Variants in SLC22A23 observed in about 807,000 individuals in gnomAD.
SLC22A23 encodes the protein ion transporter protein.
Under a neutral mutation model 61.0 loss-of-function variants are expected in SLC22A23, and 26 were observed. That is an observed-to-expected ratio of 0.43 (90% CI 0.31 to 0.59). SLC22A23 has a LOEUF of 0.59. Among genes scored for constraint, SLC22A23 ranks in the 20% least tolerant of loss-of-function variants. SLC22A23 has a pLI of 0.11. For synonymous variants in SLC22A23, 430 were observed against 413.9 expected (o/e 1.04, Z -0.47); for missense variants, 796 against 934.7 (o/e 0.85, Z 1.94).
intron 1 of SLC22A23, among the ~76,000 whole-genome samples, chr6:3,423,109 G>A (rs761253223): frequency 6.6e-6 from 1 of 151,714 alleles, no homozygotes; most frequent in Non-Finnish European, 1.5e-5. Flanking sequence ...CAGCCTTCCC[G>A]GTGGGAGAGA....
intron 5 of SLC22A23, chr6:3,292,108 G>A (rs1026618306): frequency 1.3e-5 from 2 of 152,326 alleles, no homozygotes; most frequent in South Asian, 4.2e-4. Context: ...GTCTGGCAGA[G>A]TCACTGTCCA....
intron 3 of SLC22A23, among the ~76,000 whole-genome samples, chr6:3,355,178 C>A (rs1387320115): frequency 1.3e-5 from 2 of 151,252 alleles, no homozygotes; most frequent in African/African-American, 4.9e-5. Context: ...CCGCCACCCT[C>A]CCCAGCTAAA....
chr6:3,330,135 C>G lies in SLC22A23; in HGVS notation c.914-6133G>C, dbSNP rs927838013. On this transcript the variant is annotated intron_variant, in intron 3 of 9. Coordinates refer to ENST00000406686, the MANE Select transcript of SLC22A23 (RefSeq NM_015482.2). The surrounding 1 kb of genome is among the most constrained non-coding windows in gnomAD (Gnocchi z 4.7). ...AGGCCACTTCTCCAAACCCGCTGTCCTTACAAGTGGATCACCCCTCTCCTC... is the reference window on the plus strand; with the variant it reads ...AGGCCACTTCTCCAAACCCGCTGTCGTTACAAGTGGATCACCCCTCTCCTC... Among the ~76,000 whole-genome samples the G allele has an allele frequency of 6.6e-6, 1 of 152,226 alleles. No individual in the cohort carries two copies. Among genetic ancestry groups the G allele is most frequent in the Non-Finnish European group, 1.5e-5 (1 of 68,036 alleles).
intron 1 of SLC22A23, among the ~76,000 whole-genome samples, chr6:3,455,685 G>A (rs1163868456): frequency 6.6e-6 from 1 of 152,230 alleles, no homozygotes; most frequent in East Asian, 1.9e-4. Flanking sequence ...CCGCGTACTG[G>A]GACAGGAGTT....
At position 3,308,755 on chromosome 6, in the gene SLC22A23, C is replaced by G. The variant is rs976770062; in HGVS notation, c.1083-10537G>C. ...GTAAGGAGTTCAAGACCAGCCTGAC[C>G]AACATGGTGAAACCCCGTCTCTACT... is the stretch of plus-strand genomic sequence containing the variant. On this transcript the variant is annotated intron_variant, in intron 4 of 9. Transcript: ENST00000406686. The surrounding 1 kb of genome is among the most constrained non-coding windows in gnomAD (Gnocchi z 5.1). 5.3e-5 allele frequency among the ~76,000 whole-genome samples: 8 copies of G among 152,130 alleles called. No homozygotes were observed. Among genetic ancestry groups the G allele is most frequent in the South Asian group, 4.2e-4 (2 of 4,804 alleles).
At chr6:3,341,624 C>T (rs1764158178) in intron 3 of SLC22A23, among the ~76,000 whole-genome samples, 1 of 152,226 alleles carries the variant, frequency 6.6e-6, no homozygotes, top group Non-Finnish European at 1.5e-5. Flanking sequence ...CAAACCATCT[C>T]AGACTTCTGG....
chr6:3,415,905 T>G, intron 1 of SLC22A23, 50 bp from the exon 2 acceptor site: 4 of 1,360,642 alleles, frequency 2.9e-6, no homozygotes, highest in Non-Finnish European at 4.1e-6. Context: ...TACACAGAGC[T>G]AGTCGTACTC....
At chr6:3,352,853 C>T (rs955845119) in intron 3 of SLC22A23, among the ~76,000 whole-genome samples, 13 of 152,172 alleles carry the variant, frequency 8.5e-5, no homozygotes, top group South Asian at 2.1e-4. Flanking sequence ...TCCCTGGATA[C>T]GCATGGACAA....
rs950083983 is a variant in SLC22A23, at chr6:3,372,591, G to A, written c.913+37597C>T. On this transcript the variant is annotated intron_variant, in intron 3 of 9. Transcript: ENST00000406686. The surrounding 1 kb of genome is among the most constrained non-coding windows in gnomAD (Gnocchi z 4.7). ...ACTGGTGGCGTGGCCTGAGGAAACC[G>A]TGGCTTCCCCCCATGTCTCATGCAC... Among the ~76,000 whole-genome samples, 1 of 152,162 alleles carries A rather than the reference G, an allele frequency of 6.6e-6. No individual in the cohort carries two copies. Among genetic ancestry groups the A allele is most frequent in the Non-Finnish European group, 1.5e-5 (1 of 68,024 alleles).
At chr6:3,354,669 G>A (rs528302662) in intron 3 of SLC22A23, among the ~76,000 whole-genome samples, 2 of 152,290 alleles carry the variant, frequency 1.3e-5, no homozygotes, top group African/African-American at 4.8e-5. Flanking sequence ...AGAGTGTTAG[G>A]GGGAAGTCAA....
rs373904385 is a variant in SLC22A23, at chr6:3,410,273, C to T, written c.828G>A (p.Leu276=). The T allele has an allele frequency of 1.4e-5, 23 of 1,613,956 alleles. No individual in the cohort carries two copies. The highest frequency in any genetic ancestry group is 1.6e-4 in the Middle Eastern group (1 of 6,062). The change falls in exon 3 of 10, where the codon CTG becomes CTA. Residue 276 remains leucine (L), a synonymous_variant. Coordinates refer to ENST00000406686, the MANE Select transcript of SLC22A23 (RefSeq NM_015482.2). This position sits in a 1 kb window ranked among gnomAD's most constrained non-coding sequence, Gnocchi z 5.0. ...TGCTGAACATTGTCACATTCACTGA[C>T]AGTGCCACAGTCAGTCCAAAGATCA... The part of the protein sequence containing the change: ...FILIFGLTVA[L]SVNVTMFSTL...
intron 1 of SLC22A23, 70 bp from the exon 2 acceptor site, chr6:3,415,925 G>T: frequency 8.5e-7 from 1 of 1,173,844 alleles, no homozygotes; most frequent in Non-Finnish European, 1.2e-6. Context: ...CAATTATAAG[G>T]GCAATACAAT....
At chr6:3,282,182 T>C (rs1338088123) in intron 9 of SLC22A23, 10 of 702,386 alleles carry the variant, frequency 1.4e-5, no homozygotes. Flanking sequence ...TTGAAAGACT[T>C]GGCTTTGCTG....
rs1763409706 is a variant in SLC22A23, at chr6:3,328,628, T to C, written c.914-4626A>G. Among the ~76,000 whole-genome samples the C allele has an allele frequency of 6.6e-6, 1 of 152,102 alleles. No homozygotes were observed. Among genetic ancestry groups the C allele is most frequent in the Non-Finnish European group, 1.5e-5 (1 of 68,010 alleles). ...ACCTGAACATAGGGCCGAGGCTTCC[T>C]TGAGGAGGAAGAAGATTCCACCTGT... On this transcript the variant is annotated intron_variant, in intron 3 of 9. Coordinates refer to ENST00000406686, the MANE Select transcript of SLC22A23 (RefSeq NM_015482.2). The surrounding 1 kb of genome is among the most constrained non-coding windows in gnomAD (Gnocchi z 5.0).
chr6:3,364,519 C>T (rs1472747313), intron 3 of SLC22A23, among the ~76,000 whole-genome samples: 1 of 152,136 alleles, frequency 6.6e-6, no homozygotes, highest in East Asian at 1.9e-4. Flanking sequence ...TCACACCTGG[C>T]CCAGATGCCC....
intron 3 of SLC22A23, among the ~76,000 whole-genome samples, chr6:3,397,900 C>T (rs61347018): frequency 0.055 from 8,358 of 152,238 alleles, 785 homozygotes; most frequent in African/African-American, 0.19. Flanking sequence ...GACACAATCA[C>T]GCTCCAAGCA....
At chr6:3,356,215 C>A (rs552127646) in intron 3 of SLC22A23, among the ~76,000 whole-genome samples, 1 of 148,850 alleles carries the variant, frequency 6.7e-6, no homozygotes, top group Admixed American at 6.7e-5. Flanking sequence ...AATCGAAGCA[C>A]GCGTGCTCTC....
At position 3,390,365 on chromosome 6, in the gene SLC22A23, T is replaced by C. The variant is rs530079362; in HGVS notation, c.913+19823A>G. ...AATGCAGAGAGATCTAAGTAGATCC[T>C]GCATCCCTCTTCTCTGCCCCACTCT... On this transcript the variant is annotated intron_variant, in intron 3 of 9. Transcript: ENST00000406686. This position sits in a 1 kb window ranked among gnomAD's most constrained non-coding sequence, Gnocchi z 4.0. 1.6e-3 allele frequency among the ~76,000 whole-genome samples: 250 copies of C among 152,332 alleles called. 2 individuals carry two copies. Among genetic ancestry groups the C allele is most frequent in the African/African-American group, 5.9e-3 (246 of 41,576 alleles).
chr6:3,434,744 G>A (rs1293120970), intron 1 of SLC22A23, among the ~76,000 whole-genome samples: 2 of 152,224 alleles, frequency 1.3e-5, no homozygotes, highest in Non-Finnish European at 2.9e-5. Context: ...GGAGACGCGA[G>A]GGGTGTGGCC....
Sources: gnomAD v4.1 joint callset for allele counts (sites outside exome capture counted in the v4.1 genomes callset) on GRCh38, gnomAD v4.1.1 for gene constraint, Gnocchi (gnomAD v3.1) non-coding constraint, MANE v1.5 for transcripts, NCBI Gene and HGNC (gene_info 2026-07-23, HGNC 2026-07-21) for gene names.